PARD3: variants seen among roughly 807,000 people sequenced by gnomAD.
The protein encoded by PARD3 is partitioning defective 3 homolog.
PARD3 carries 75 observed loss-of-function variants against 155.4 expected under a neutral mutation model. The ratio of observed to expected loss-of-function variants is 0.48; its 90% CI spans 0.40 to 0.58. The LOEUF (loss-of-function observed/expected upper bound fraction) is 0.58. Among genes scored for constraint, PARD3 ranks in the 20% least tolerant of loss-of-function variants. PARD3 has a pLI of 0.00. For missense variants in PARD3, 1,642 were observed against 1,721.7 expected, an observed-to-expected ratio of 0.95 and a Z score of 0.82; for synonymous variants, 576 against 610.5, an observed-to-expected ratio of 0.94 and a Z score of 0.83.
rs111389131 is a variant in PARD3 at position 34,503,895 on chromosome 10, T to A, written c.403+13084A>T. ...AGAACAAGAAAGGAGAAATAGTAGA[T>A]GATGTCATAATGCTCCTTTTATAGA... On this transcript the variant is annotated intron_variant, in intron 3 of 24. Coordinates refer to ENST00000374788, the MANE Select transcript of PARD3 (RefSeq NM_001184785.2). Among the ~76,000 whole-genome samples, 1,073 of 152,352 alleles carry A rather than the reference T, an allele frequency of 7.0e-3. 13 individuals are homozygous for A. Among genetic ancestry groups the A allele is most frequent in the African/African-American group, 0.024 (1,018 of 41,572 alleles).
chr10:34,539,709 G>C (rs1416856486), intron 2 of PARD3, among the ~76,000 whole-genome samples: 15 of 152,184 alleles, frequency 9.9e-5, no homozygotes, highest in Admixed American at 9.8e-4. Context: ...TTACTACTCT[G>C]TGTGGCCTTG....
intron 1 of PARD3, 75 bp downstream of exon 1, chr10:34,814,801 T>TC: frequency 8.0e-7 from 1 of 1,257,586 alleles, no homozygotes; most frequent in Non-Finnish European, 1.1e-6. Flanking sequence ...TCCTCCCCCT[T>TC]CCAGGAAGCG....
At chr10:34,606,796 A>G (rs2090496347) in intron 2 of PARD3, among the ~76,000 whole-genome samples, 12 of 151,472 alleles carry the variant, frequency 7.9e-5, no homozygotes, top group Admixed American at 7.9e-4. Context: ...GTGAAACCCC[A>G]TCTCTACTAA....
intron 21 of PARD3, among the ~76,000 whole-genome samples, chr10:34,278,480 T>C (rs941055604): frequency 2.6e-5 from 4 of 152,156 alleles, no homozygotes; most frequent in African/African-American, 9.7e-5. Flanking sequence ...TGAATTGTAG[T>C]TCCCATAATC....
At chr10:34,733,475 T>C (rs568244125) in intron 1 of PARD3, among the ~76,000 whole-genome samples, 50 of 152,248 alleles carry the variant, frequency 3.3e-4, no homozygotes, top group African/African-American at 1.1e-3. Context: ...GTGACAAACA[T>C]GATTAGAGTT....
intron 2 of PARD3, among the ~76,000 whole-genome samples, chr10:34,578,055 T>TG (rs2087052398): frequency 6.6e-6 from 1 of 151,288 alleles, no homozygotes; most frequent in East Asian, 1.9e-4. Context: ...TTGCTCTTTT[T>TG]TTTTTTCTTT....
chr10:34,585,547 C>CT (rs55765243), intron 2 of PARD3, among the ~76,000 whole-genome samples: 54,544 of 143,034 alleles, frequency 0.38, 10,177 homozygotes, highest in South Asian at 0.43. Flanking sequence ...CTTTTTCTTT[C>CT]TTTTTTTTTT....
intron 1 of PARD3, among the ~76,000 whole-genome samples, chr10:34,776,835 T>TGGGGGG (rs35834725): frequency 1.4e-4 from 9 of 64,608 alleles, no homozygotes; most frequent in Non-Finnish European, 2.3e-4. Context: ...TGTTTTTTTG[T>TGGGGGG]GGGGGGGGGG....
intron 1 of PARD3, among the ~76,000 whole-genome samples, chr10:34,729,201 C>G (rs951569144): frequency 6.6e-6 from 1 of 152,140 alleles, no homozygotes; most frequent in Non-Finnish European, 1.5e-5. Flanking sequence ...GAATATAAAT[C>G]CTTAAAATGC....
intron 15 of PARD3, chr10:34,344,622 C>T (rs1451310562): frequency 1.0e-6 from 1 of 985,142 alleles, no homozygotes; most frequent in Non-Finnish European, 1.2e-6. Context: ...GAGAGACCAA[C>T]CATTAGAAAA....
chr10:34,279,829 G>GT (rs1956076845), intron 21 of PARD3, among the ~76,000 whole-genome samples: 1 of 152,244 alleles, frequency 6.6e-6, no homozygotes, highest in Admixed American at 6.5e-5. Flanking sequence ...AAGATGATTA[G>GT]AACATTGAAT....
chr10:34,477,808 G>A (rs2078812100), intron 3 of PARD3, among the ~76,000 whole-genome samples: 1 of 152,176 alleles, frequency 6.6e-6, no homozygotes, highest in African/African-American at 2.4e-5. Context: ...GCAGTTACAT[G>A]TGTGCTTTTA....
At chr10:34,552,158 C>T (rs960806067) in intron 2 of PARD3, among the ~76,000 whole-genome samples, 4 of 152,206 alleles carry the variant, frequency 2.6e-5, no homozygotes, top group African/African-American at 9.6e-5. Context: ...GTCACCCAAG[C>T]TGGAGTACAG....
At chr10:34,468,707 T>A (rs1333169341) in intron 4 of PARD3, among the ~76,000 whole-genome samples, 1 of 152,162 alleles carries the variant, frequency 6.6e-6, no homozygotes, top group Non-Finnish European at 1.5e-5. Flanking sequence ...AGAAACTAAA[T>A]ATACTCTTTT....
Position 34,729,374 on chromosome 10 carries a change from T to C in PARD3, c.121-32955A>G, listed in dbSNP as rs946685032. ...AGTGAAACCCCGTCTCTACTAAAAA[T>C]ACAAAAATTAGCCAGGCGTGGTGGT... On this transcript the variant is annotated intron_variant, in intron 1 of 24. Transcript: ENST00000374788. Among the ~76,000 whole-genome samples the C allele has an allele frequency of 5.3e-5, 8 of 151,572 alleles. No individual in the cohort carries two copies. The East Asian group carries it at 1.4e-3, about 26-fold the overall frequency.
intron 1 of PARD3, among the ~76,000 whole-genome samples, chr10:34,799,230 T>C (rs1389837469): frequency 6.6e-6 from 1 of 152,074 alleles, no homozygotes; most frequent in African/African-American, 2.4e-5. Context: ...TTAGTAGAGA[T>C]GGGGTTTCAC....
chr10:34,213,727 T>TA (rs1174252042), intron 22 of PARD3, among the ~76,000 whole-genome samples: 2 of 152,104 alleles, frequency 1.3e-5, no homozygotes, highest in Non-Finnish European at 2.9e-5. Context: ...AAAGGCAAGG[T>TA]AAAACCACTG....
intron 20 of PARD3, among the ~76,000 whole-genome samples, chr10:34,313,055 T>C (rs1279216915): frequency 6.6e-6 from 1 of 152,192 alleles, no homozygotes; most frequent in African/African-American, 2.4e-5. Context: ...AACGAACACA[T>C]TTAAAACATT....
chr10:34,335,797 T>C (rs1836114701), intron 18 of PARD3, among the ~76,000 whole-genome samples: 2 of 152,092 alleles, frequency 1.3e-5, no homozygotes, highest in South Asian at 4.1e-4. Flanking sequence ...ATCTTTCAAA[T>C]CAAAATCACC....
Sources: allele counts gnomAD v4.1 joint callset (sites outside exome capture counted in the v4.1 genomes callset), GRCh38; gene constraint gnomAD v4.1.1; transcripts MANE v1.5; gene names NCBI Gene and HGNC (gene_info 2026-07-23, HGNC 2026-07-21).